Variants in ZFAND3 observed in about 807,000 individuals in gnomAD.
The protein encoded by ZFAND3 is AN1-type zinc finger protein 3.
Under a neutral mutation model 29.6 loss-of-function variants are expected in ZFAND3, and 10 were observed. That is an observed-to-expected ratio of 0.34 (90% confidence interval 0.21 to 0.57). ZFAND3 has a LOEUF of 0.57. Among genes scored for constraint, ZFAND3 ranks in the 20% least tolerant of loss-of-function variants. ZFAND3 has a pLI of 0.86. For missense variants in ZFAND3, 230 were observed against 304.5 expected, an observed-to-expected ratio of 0.76 and a Z score of 1.82; for synonymous variants, 128 against 112.6, an observed-to-expected ratio of 1.14 and a Z score of -0.87.
At chr6:37,876,972 A>G (rs1012167272) in intron 1 of ZFAND3, among the ~76,000 whole-genome samples, 6 of 152,220 alleles carry the variant, frequency 3.9e-5, no homozygotes, top group Non-Finnish European at 7.3e-5. Flanking sequence ...AATTAGTTCT[A>G]TGCCTGCAAC....
At chr6:37,950,492 C>G (rs1450256032) in intron 2 of ZFAND3, among the ~76,000 whole-genome samples, 3 of 152,026 alleles carry the variant, frequency 2.0e-5, no homozygotes, top group African/African-American at 7.3e-5. Context: ...ATTCTCCTGC[C>G]TCAGCCTCCC....
chr6:38,059,075 G>C (rs1239115472), intron 2 of ZFAND3, among the ~76,000 whole-genome samples: 1 of 152,110 alleles, frequency 6.6e-6, no homozygotes, highest in Non-Finnish European at 1.5e-5. Context: ...GTACTTCATA[G>C]AGTAGCGTTA....
At chr6:37,872,659 T>A (rs904440922) in intron 1 of ZFAND3, among the ~76,000 whole-genome samples, 4 of 152,240 alleles carry the variant, frequency 2.6e-5, no homozygotes, top group Non-Finnish European at 4.4e-5. Flanking sequence ...TGCTTTTTGT[T>A]TGGCTTTCAT....
chr6:37,897,464 T>C (rs1377917167), intron 1 of ZFAND3, among the ~76,000 whole-genome samples: 2 of 152,262 alleles, frequency 1.3e-5, no homozygotes, highest in Admixed American at 6.5e-5. Flanking sequence ...GGTGTAATGC[T>C]GCTGTGAATG....
At chr6:37,928,244 G>A (rs1488687153) in intron 1 of ZFAND3, among the ~76,000 whole-genome samples, 1 of 152,200 alleles carries the variant, frequency 6.6e-6, no homozygotes, top group Non-Finnish European at 1.5e-5. Context: ...CAGCATCAGA[G>A]AATACTTCCT....
intron 4 of ZFAND3, among the ~76,000 whole-genome samples, chr6:38,099,203 C>T (rs1400475914): frequency 6.6e-6 from 1 of 152,110 alleles, no homozygotes; most frequent in East Asian, 1.9e-4. Flanking sequence ...GCATCCAAAC[C>T]AACAACATGA....
chr6:38,074,328 G>C (rs933144427), intron 3 of ZFAND3, among the ~76,000 whole-genome samples: 1 of 152,132 alleles, frequency 6.6e-6, no homozygotes, highest in Admixed American at 6.5e-5. Context: ...AAAAGAGTAA[G>C]TTTTTATGTT....
chr6:38,046,246 AAG>A (rs1278313820), intron 2 of ZFAND3, among the ~76,000 whole-genome samples: 1 of 152,228 alleles, frequency 6.6e-6, no homozygotes, highest in Non-Finnish European at 1.5e-5. Context: ...TGCATGGAAT[AAG>A]AGTAAGAGAT....
chr6:38,102,286 G>C (rs1765110605), intron 4 of ZFAND3, among the ~76,000 whole-genome samples: 2 of 152,158 alleles, frequency 1.3e-5, no homozygotes, highest in Admixed American at 1.3e-4. Flanking sequence ...CTCACGAGTA[G>C]GGTACTTAGG....
intron 1 of ZFAND3, among the ~76,000 whole-genome samples, chr6:37,892,570 A>G (rs1000832219): frequency 6.6e-6 from 1 of 152,260 alleles, no homozygotes; most frequent in Non-Finnish European, 1.5e-5. Flanking sequence ...AAGAAGAGCA[A>G]GTGAAATCTG....
chr6:37,855,308 C>T (rs1764362008), intron 1 of ZFAND3, among the ~76,000 whole-genome samples: 2 of 150,306 alleles, frequency 1.3e-5, no homozygotes, highest in South Asian at 4.2e-4. Context: ...CCATGCCTGG[C>T]TAACTCTTTT....
chr6:38,144,101 T>G, intron 5 of ZFAND3, among the ~76,000 whole-genome samples: 1 of 148,600 alleles, frequency 6.7e-6, no homozygotes, highest in East Asian at 2.0e-4. Context: ...CAACGTGTAC[T>G]TACATATGAG....
At chr6:37,977,773 TTTTG>T (rs1762506158) in intron 2 of ZFAND3, among the ~76,000 whole-genome samples, 2 of 144,928 alleles carry the variant, frequency 1.4e-5, no homozygotes, top group African/African-American at 5.3e-5. Context: ...TTGCTGAGTT[TTTTG>T]TTTTTTTTTT....
chr6:38,152,959 G>GT lies in ZFAND3; in HGVS notation c.*571dup. 1.0e-6 allele frequency: 1 copy of GT among 985,932 alleles called. No homozygotes were observed. The highest frequency in any genetic ancestry group is 1.2e-6 in the Non-Finnish European group (1 of 829,976). 61.1% of individuals were successfully genotyped at this position (985,932 alleles called of 1,614,324 possible). ...TCTCCCACAGAGCTGGAAATGGGGG[G>GT]TGGGGGACAGATTCTTACGGAAATT... On this transcript the variant is annotated 3_prime_UTR_variant, in exon 6 of 6. Coordinates refer to ENST00000287218, the MANE Select transcript of ZFAND3 (RefSeq NM_021943.3).
chr6:37,952,193 G>A (rs1467809920), intron 2 of ZFAND3, among the ~76,000 whole-genome samples: 2 of 152,066 alleles, frequency 1.3e-5, no homozygotes, highest in African/African-American at 4.8e-5. Context: ...CCAGGTTTTG[G>A]TATCAGAATG....
chr6:38,038,122 C>G (rs1035230034), intron 2 of ZFAND3, among the ~76,000 whole-genome samples: 8 of 152,184 alleles, frequency 5.3e-5, no homozygotes, highest in Non-Finnish European at 1.2e-4. Context: ...GCAAGTCAGT[C>G]TTCAAGGATT....
At chr6:38,048,617 GTCTCAAAAAAAAAAAAATTCAA>G (rs1314282284) in intron 2 of ZFAND3, among the ~76,000 whole-genome samples, 32 of 662 alleles carry the variant, frequency 0.048, no homozygotes, top group Admixed American at 0.17. Flanking sequence ...GTGAGACTCC[GTCTCAAAAAAAAAAAAATTCAA>G]TGCCTGTTTT....
At chr6:38,148,754 G>C (rs1480045604) in intron 5 of ZFAND3, among the ~76,000 whole-genome samples, 1 of 152,106 alleles carries the variant, frequency 6.6e-6, no homozygotes. Flanking sequence ...GCCATCCCCT[G>C]TATCCAGGAC....
intron 3 of ZFAND3, among the ~76,000 whole-genome samples, chr6:38,065,573 C>T (rs1056861221): frequency 5.9e-5 from 9 of 152,132 alleles, no homozygotes; most frequent in African/African-American, 2.2e-4. Context: ...TCAATATAGC[C>T]TATTAGGGTA....
Sources: allele counts gnomAD v4.1 joint callset (sites outside exome capture counted in the v4.1 genomes callset), GRCh38; gene constraint gnomAD v4.1.1; transcripts MANE v1.5; gene names NCBI Gene and HGNC (gene_info 2026-07-23, HGNC 2026-07-21).